The following MDGA2 variants were observed in gnomAD, a reference collection of about 807,000 sequenced individuals.
MDGA2 encodes MAM domain-containing glycosylphosphatidylinositol anchor protein 2.
A neutral mutation model predicts 117.8 loss-of-function variants in MDGA2; 40 were observed. That is an observed-to-expected ratio of 0.34 (90% confidence interval 0.26 to 0.44). The LOEUF (loss-of-function observed/expected upper bound fraction) is 0.44, where lower values mean the gene tolerates loss of function less well. Among genes scored for constraint, MDGA2 ranks in the 20% least tolerant of loss-of-function variants. The probability of loss-of-function intolerance (pLI) is 1.00; values close to 1 mark genes in which losing one functional copy is unlikely to be tolerated. For missense variants in MDGA2, 1,123 were observed against 1,250.6 expected (o/e 0.90, Z 1.54); for synonymous variants, 452 against 439.0 (o/e 1.03, Z -0.37).
chr14:47,252,074 C>A (rs1331969421), intron 2 of MDGA2, among the ~76,000 whole-genome samples: 1 of 152,022 alleles, frequency 6.6e-6, no homozygotes, highest in African/African-American at 2.4e-5. Flanking sequence ...ATGATCTGGA[C>A]AACTTCACTT....
intron 1 of MDGA2, among the ~76,000 whole-genome samples, chr14:47,645,688 T>A (rs1449970712): frequency 6.6e-6 from 1 of 152,056 alleles, no homozygotes; most frequent in East Asian, 1.9e-4. Flanking sequence ...GTACCAGCAC[T>A]AACAAAAATG....
chr14:47,105,174 A>G (rs1237183361), intron 5 of MDGA2, among the ~76,000 whole-genome samples: 1 of 152,072 alleles, frequency 6.6e-6, no homozygotes, highest in Non-Finnish European at 1.5e-5. Flanking sequence ...AGTACCCCTC[A>G]GCCCCTTCTC....
intron 1 of MDGA2, among the ~76,000 whole-genome samples, chr14:47,642,848 C>G (rs1897454460): frequency 6.6e-6 from 1 of 152,032 alleles, no homozygotes; most frequent in South Asian, 2.1e-4. Flanking sequence ...ACATTTTAAA[C>G]AATCCAATAT....
chr14:46,943,174 T>C (rs1885058749), intron 9 of MDGA2, among the ~76,000 whole-genome samples: 2 of 152,064 alleles, frequency 1.3e-5, no homozygotes, highest in Admixed American at 1.3e-4. Context: ...TATCTTGAAG[T>C]CTACTTTTTC....
intron 1 of MDGA2, among the ~76,000 whole-genome samples, chr14:47,652,491 C>T (rs1434245231): frequency 3.3e-5 from 5 of 152,122 alleles, no homozygotes; most frequent in Non-Finnish European, 5.9e-5. Context: ...ACTACAAAGT[C>T]AGTTTCCTTT....
chr14:47,195,100 A>G (rs965145273), intron 3 of MDGA2, among the ~76,000 whole-genome samples: 48 of 152,034 alleles, frequency 3.2e-4, no homozygotes, highest in African/African-American at 1.2e-3. Flanking sequence ...TTAAATAATG[A>G]TAGTACATAT....
chr14:47,645,400 A>AT (rs546993606), intron 1 of MDGA2, among the ~76,000 whole-genome samples: 1 of 151,738 alleles, frequency 6.6e-6, no homozygotes. Context: ...CGCCCGGCTA[A>AT]TTTTTTTGTA....
chr14:47,107,612 A>G (rs1284909811), intron 5 of MDGA2, among the ~76,000 whole-genome samples: 1 of 151,390 alleles, frequency 6.6e-6, no homozygotes, highest in Non-Finnish European at 1.5e-5. Flanking sequence ...TCTGTTACCT[A>G]TCTCGGCATA....
intron 1 of MDGA2, among the ~76,000 whole-genome samples, chr14:47,546,500 C>T (rs1047827200): frequency 1.3e-5 from 2 of 152,084 alleles, no homozygotes; most frequent in Non-Finnish European, 2.9e-5. Context: ...ACAATATTTA[C>T]TGAATATTGA....
intron 1 of MDGA2, among the ~76,000 whole-genome samples, chr14:47,630,359 A>T (rs1897233417): frequency 6.6e-6 from 1 of 152,212 alleles, no homozygotes; most frequent in Non-Finnish European, 1.5e-5. Flanking sequence ...GTATATATGT[A>T]TGTAGTATGT....
At chr14:46,913,428 T>A (rs920628089) in intron 10 of MDGA2, among the ~76,000 whole-genome samples, 7 of 152,246 alleles carry the variant, frequency 4.6e-5, no homozygotes, top group African/African-American at 7.2e-5. Context: ...ATAAAATCTA[T>A]CTAAATGGGC....
At chr14:47,499,008 T>G (rs567457689) in intron 1 of MDGA2, among the ~76,000 whole-genome samples, 3 of 152,220 alleles carry the variant, frequency 2.0e-5, no homozygotes, top group African/African-American at 7.2e-5. Flanking sequence ...TTCTGGCATT[T>G]TTTTTATTCT....
intron 1 of MDGA2, among the ~76,000 whole-genome samples, chr14:47,396,110 C>A (rs533681802): frequency 6.6e-6 from 1 of 152,238 alleles, no homozygotes; most frequent in Admixed American, 6.5e-5. Context: ...TTTTCAATAA[C>A]AAACTTAGCC....
At chr14:47,328,934 C>T (rs1890219973) in intron 1 of MDGA2, among the ~76,000 whole-genome samples, 1 of 152,118 alleles carries the variant, frequency 6.6e-6, no homozygotes, top group South Asian at 2.1e-4. Flanking sequence ...GTTGCTCTCA[C>T]ATTGTGGATA....
intron 2 of MDGA2, among the ~76,000 whole-genome samples, chr14:47,243,041 C>T (rs539255423): frequency 1.3e-5 from 2 of 151,838 alleles, no homozygotes; most frequent in South Asian, 4.2e-4. Flanking sequence ...CTGGTGAGGA[C>T]GTGCAGAACC....
At chr14:47,571,075 C>T (rs1211398075) in intron 1 of MDGA2, among the ~76,000 whole-genome samples, 1 of 151,942 alleles carries the variant, frequency 6.6e-6, no homozygotes, top group Admixed American at 6.6e-5. Context: ...AACAAACAAC[C>T]CCATCAAAAA....
At chr14:46,908,548 T>C (rs940526661) in intron 10 of MDGA2, among the ~76,000 whole-genome samples, 6 of 152,202 alleles carry the variant, frequency 3.9e-5, no homozygotes, top group African/African-American at 1.4e-4. Context: ...CATAAGTTCT[T>C]ATTCGTCAAG....
chr14:46,906,584 TCTATC>T (rs1883502541), intron 10 of MDGA2, among the ~76,000 whole-genome samples: 1 of 152,148 alleles, frequency 6.6e-6, no homozygotes, highest in African/African-American at 2.4e-5. Flanking sequence ...ATTTCACTAT[TCTATC>T]ACTGATATAA....
At chr14:47,644,117 T>C (rs1459776205) in intron 1 of MDGA2, among the ~76,000 whole-genome samples, 1 of 152,186 alleles carries the variant, frequency 6.6e-6, no homozygotes, top group Non-Finnish European at 1.5e-5. Context: ...GTCTACATAC[T>C]AGAATCTGGC....
Sources: allele counts gnomAD v4.1 joint callset (sites outside exome capture counted in the v4.1 genomes callset), GRCh38; gene constraint gnomAD v4.1.1; transcripts MANE v1.5; gene names NCBI Gene and HGNC (gene_info 2026-07-23, HGNC 2026-07-21).